Variants in R3HDM2 observed in about 807,000 individuals in gnomAD.
The protein encoded by R3HDM2 is R3H domain-containing protein 2.
A neutral mutation model predicts 124.5 loss-of-function variants in R3HDM2; 38 were observed. The ratio of observed to expected loss-of-function variants is 0.31; its 90% confidence interval spans 0.24 to 0.40. The LOEUF is 0.40. Ranked by LOEUF, R3HDM2 falls within the 10% of genes least tolerant of loss-of-function variation. The pLI, the probability that R3HDM2 is intolerant of heterozygous loss-of-function variation, is 1.00. For synonymous variants in R3HDM2, 391 were observed against 448.0 expected, an observed-to-expected ratio of 0.87 and a Z score of 1.61; for missense variants, 869 against 1,236.9, an observed-to-expected ratio of 0.70 and a Z score of 4.46.
intron 2 of R3HDM2, among the ~76,000 whole-genome samples, chr12:57,385,914 G>A (rs1434247610): frequency 6.6e-6 from 1 of 152,062 alleles, no homozygotes; most frequent in Non-Finnish European, 1.5e-5. Context: ...GCTCTCATGG[G>A]TGTATGGTAG....
chr12:57,426,080 T>A (rs928097198), intron 1 of R3HDM2, among the ~76,000 whole-genome samples: 11 of 151,870 alleles, frequency 7.2e-5, no homozygotes, highest in African/African-American at 2.7e-4. Flanking sequence ...ATACAAAAAT[T>A]ATCCAGGCGT....
intron 2 of R3HDM2, among the ~76,000 whole-genome samples, chr12:57,320,261 CAAAAA>C (rs56207989): frequency 2.3e-3 from 33 of 14,286 alleles, no homozygotes; most frequent in Non-Finnish European, 2.8e-3. Flanking sequence ...AACTCTATCT[CAAAAA>C]AAAAAAAAAA....
In R3HDM2 at chr12:57,296,703, A is replaced by G; in HGVS notation, c.561-152T>C. On this transcript the variant is annotated intron_variant, in intron 8 of 23. Transcript: ENST00000402412. This position sits in a 1 kb window ranked among gnomAD's most constrained non-coding sequence, Gnocchi z 4.5. ...TATAGATATTTACTAAATGGGAACC[A>G]AATAGGTTTTTCTCAGTTTCTTTAT... The G allele has an allele frequency of 1.2e-6, 1 of 821,012 alleles. No individual in the cohort carries two copies. Among genetic ancestry groups the G allele is most frequent in the Non-Finnish European group, 1.8e-6 (1 of 543,014 alleles). The allele number at this position is 821,012 out of a possible 1,614,324, so 50.9% of individuals were successfully genotyped here.
chr12:57,371,362 G>A (rs867589675), intron 2 of R3HDM2, among the ~76,000 whole-genome samples: 6 of 151,638 alleles, frequency 4.0e-5, no homozygotes, highest in South Asian at 2.1e-4. Context: ...AAAATAGAAC[G>A]AAAACAAAAA....
chr12:57,259,017 T>A lies in R3HDM2; in HGVS notation c.2174A>T (p.Asn725Ile). Residue 725 changes from asparagine to isoleucine, a missense_variant, in exon 20 of 24, where the codon AAT becomes ATT. By Grantham distance (149) the Asn-to-Ile change is moderately radical (BLOSUM62 -3). This residue lies in a region of R3HDM2 where 602 missense variants were observed against 789.2 expected (regional missense o/e 0.76). Transcript: ENST00000402412. ...SGPGVVVMQL[N>I]VPNGPQPPQN... Reference sequence around the variant, plus strand: ...AGGGGGCTGGGGTCCATTAGGGACATTCAGCTGCATGACCACTACACCTGG... The same window carrying A: ...AGGGGGCTGGGGTCCATTAGGGACAATCAGCTGCATGACCACTACACCTGG... The A allele has an allele frequency of 6.2e-7, 1 of 1,613,416 alleles. No homozygotes were observed. Among genetic ancestry groups the A allele is most frequent in the Non-Finnish European group, 8.5e-7 (1 of 1,179,904 alleles).
chr12:57,270,129 C>A, intron 14 of R3HDM2, 135 bp from the exon 15 acceptor site: 2 of 1,083,050 alleles, frequency 1.8e-6, no homozygotes, highest in Non-Finnish European at 2.7e-6. Flanking sequence ...TACCTCTGTG[C>A]TGTGCTATGA....
chr12:57,276,579 A>G (rs1334236915), intron 14 of R3HDM2, among the ~76,000 whole-genome samples: 2 of 152,272 alleles, frequency 1.3e-5, no homozygotes, highest in Admixed American at 6.5e-5. Context: ...AGCTATGAGG[A>G]CGCAAAGGCA....
chr12:57,265,796 CTTG>C, intron 19 of R3HDM2, among the ~76,000 whole-genome samples: 1 of 150,300 alleles, frequency 6.7e-6, no homozygotes, highest in Non-Finnish European at 1.5e-5. Context: ...CCACTCTTGG[CTTG>C]TTTTTTTTTT....
intron 1 of R3HDM2, among the ~76,000 whole-genome samples, chr12:57,422,469 G>C (rs998454196): frequency 6.6e-6 from 1 of 152,100 alleles, no homozygotes; most frequent in Non-Finnish European, 1.5e-5. Context: ...CATGATTTAC[G>C]TAGGCAGTGC....
rs566588094 is a variant in R3HDM2 at position 57,289,060 on chromosome 12, C to T, written c.907-20G>A. ...GCCAGTCTAGGTGAGGGGGAGAAAA[C>T]GGAAAATAACTTATAAGAAAACAGC... On this transcript the variant is annotated intron_variant, in intron 11 of 23. Transcript: ENST00000402412. 2.2e-5 allele frequency: 34 copies of T among 1,537,282 alleles called. No homozygotes were observed. Among genetic ancestry groups the T allele is most frequent in the East Asian group, 2.2e-4 (9 of 40,860 alleles).
intron 2 of R3HDM2, among the ~76,000 whole-genome samples, chr12:57,375,208 C>G (rs2063886371): frequency 6.6e-6 from 1 of 152,016 alleles, no homozygotes; most frequent in African/African-American, 2.4e-5. Context: ...ATATACACCT[C>G]TCTTCATAAG....
chr12:57,383,215 G>A (rs1320592255), intron 2 of R3HDM2, among the ~76,000 whole-genome samples: 2 of 152,152 alleles, frequency 1.3e-5, no homozygotes, highest in African/African-American at 4.8e-5. Flanking sequence ...AGCTACTTGG[G>A]AGGCTGAGGT....
intron 4 of R3HDM2, among the ~76,000 whole-genome samples, chr12:57,302,365 C>T (rs2051399994): frequency 6.6e-6 from 1 of 151,518 alleles, no homozygotes; most frequent in South Asian, 2.1e-4. Flanking sequence ...GGGTGGATCA[C>T]CTAAGGTCAA....
chr12:57,393,103 A>T (rs1594399075), intron 2 of R3HDM2, among the ~76,000 whole-genome samples: 1 of 117,714 alleles, frequency 8.5e-6, no homozygotes, highest in African/African-American at 3.4e-5. Context: ...TGCGCCAGGC[A>T]TTTTTTTTTT....
intron 2 of R3HDM2, among the ~76,000 whole-genome samples, chr12:57,340,330 T>C (rs1274604071): frequency 6.6e-6 from 1 of 152,070 alleles, no homozygotes; most frequent in Non-Finnish European, 1.5e-5. Context: ...ACCACAGGGG[T>C]TTCCTGAAAA....
intron 2 of R3HDM2, among the ~76,000 whole-genome samples, chr12:57,389,724 C>T (rs978275748): frequency 6.6e-6 from 1 of 152,068 alleles, no homozygotes; most frequent in African/African-American, 2.4e-5. Flanking sequence ...TAAACATGAC[C>T]ATATTTTTTA....
At chr12:57,270,245 C>T (rs2043282908) in intron 14 of R3HDM2, among the ~76,000 whole-genome samples, 1 of 152,048 alleles carries the variant, frequency 6.6e-6, no homozygotes, top group Non-Finnish European at 1.5e-5. Flanking sequence ...TTTTTTGAGA[C>T]ACAGTCTCAT....
intron 2 of R3HDM2, among the ~76,000 whole-genome samples, chr12:57,380,706 C>T (rs201873256): frequency 6.6e-6 from 1 of 152,008 alleles, no homozygotes; most frequent in African/African-American, 2.4e-5. Context: ...ACTTCTAATA[C>T]CCCTGAATTC....
At chr12:57,272,934 A>G (rs1418926602) in intron 14 of R3HDM2, among the ~76,000 whole-genome samples, 7 of 152,040 alleles carry the variant, frequency 4.6e-5, no homozygotes, top group Non-Finnish European at 1.0e-4. Flanking sequence ...TGAACACACA[A>G]TTCCTGGGGA....
Sources: gnomAD v4.1 joint callset for allele counts (sites outside exome capture counted in the v4.1 genomes callset) on GRCh38, gnomAD v4.1.1 for gene constraint, gnomAD v4.1.1 regional missense constraint, Gnocchi (gnomAD v3.1) non-coding constraint, MANE v1.5 for transcripts, NCBI Gene and HGNC (gene_info 2026-07-23, HGNC 2026-07-21) for gene names.